The following KIAA0753 variants were observed in gnomAD, a reference collection of about 807,000 sequenced individuals.
KIAA0753 encodes protein moonraker.
A neutral mutation model predicts 116.9 loss-of-function variants in KIAA0753; 114 were observed. That is an observed-to-expected ratio of 0.98 (90% CI 0.84 to 1.14). KIAA0753 has a LOEUF of 1.14. Among genes scored for constraint, KIAA0753 ranks in the 50% most tolerant of loss-of-function variants. The pLI is 0.00. For missense variants in KIAA0753, 1,156 were observed against 1,172.4 expected (o/e 0.99, Z 0.20); for synonymous variants, 405 against 413.1 (o/e 0.98, Z 0.24).
intron 18 of KIAA0753, among the ~76,000 whole-genome samples, chr17:6,587,229 C>CTAAAA (rs1158527995): frequency 3.0e-4 from 45 of 151,598 alleles, no homozygotes; most frequent in African/African-American, 9.5e-4. Context: ...GAGACTCCAT[C>CTAAAA]TAAAATAAAA....
intron 12 of KIAA0753, among the ~76,000 whole-genome samples, chr17:6,603,899 C>A (rs1970029190): frequency 6.6e-6 from 1 of 152,196 alleles, no homozygotes; most frequent in African/African-American, 2.4e-5. Flanking sequence ...CCAGCAAAGA[C>A]TGAGTGGAGA....
intron 9 of KIAA0753, among the ~76,000 whole-genome samples, chr17:6,609,453 T>C (rs1257985579): frequency 7.5e-6 from 1 of 133,790 alleles, no homozygotes; most frequent in African/African-American, 2.5e-5. Context: ...TAATGTGCTA[T>C]GAGTGAGGAT....
intron 16 of KIAA0753, among the ~76,000 whole-genome samples, chr17:6,594,429 T>C (rs1166902316): frequency 6.6e-6 from 1 of 152,162 alleles, no homozygotes; most frequent in Non-Finnish European, 1.5e-5. Flanking sequence ...ATAGTATTTA[T>C]AAAACACTAT....
chr17:6,590,006 G>T lies in KIAA0753; in HGVS notation c.2562-3C>A. On this transcript the variant is annotated splice_region_variant and splice_polypyrimidine_tract_variant and intron_variant, in intron 17 of 18. Coordinates refer to ENST00000361413, the MANE Select transcript of KIAA0753 (RefSeq NM_014804.3). ...TTCCCACACTTTCATCCAGGGAACT[G>T]AGAACAAATAAAAATGATGAAAGCA... 6.5e-7 allele frequency: 1 copy of T among 1,541,214 alleles called. No individual in the cohort carries two copies. The highest frequency in any genetic ancestry group is 8.7e-7 in the Non-Finnish European group (1 of 1,147,234).
chr17:6,585,339 G>T (rs1257414415), intron 18 of KIAA0753, among the ~76,000 whole-genome samples: 1 of 152,140 alleles, frequency 6.6e-6, no homozygotes, highest in Non-Finnish European at 1.5e-5. Context: ...GCCATGGTGT[G>T]TTCTGTTCTA....
rs973153366 is a variant in KIAA0753, at chr17:6,578,759, CT to C, written c.*987del. On this transcript the variant is annotated 3_prime_UTR_variant, in exon 19 of 19. Transcript: ENST00000361413. ...CCTGATTCTTACGCACATTCCGTTTCTTTTTCTGAATTCAGAGTTTCTGAAA... is the reference window on the plus strand; with the variant it reads ...CCTGATTCTTACGCACATTCCGTTTCTTTTCTGAATTCAGAGTTTCTGAAA... 6.6e-6 allele frequency: 1 copy of C among 152,192 alleles called. No homozygotes were observed. Among genetic ancestry groups the C allele is most frequent in the Non-Finnish European group, 1.5e-5 (1 of 68,022 alleles). 9.4% of individuals were successfully genotyped at this position (152,192 alleles called of 1,614,324 possible).
chr17:6,603,206 A>G (rs990360774), intron 12 of KIAA0753, among the ~76,000 whole-genome samples: 2 of 152,174 alleles, frequency 1.3e-5, no homozygotes, highest in African/African-American at 4.8e-5. Flanking sequence ...CAGAGGACCA[A>G]TCAAGGAAGT....
chr17:6,589,023 T>A (rs955458465), intron 18 of KIAA0753, among the ~76,000 whole-genome samples: 2 of 152,146 alleles, frequency 1.3e-5, no homozygotes, highest in Non-Finnish European at 2.9e-5. Flanking sequence ...TGTTCTCTGA[T>A]GGGACAACAT....
intron 4 of KIAA0753, 109 bp downstream of exon 4, chr17:6,624,646 A>C: frequency 1.5e-6 from 1 of 682,548 alleles, no homozygotes; most frequent in Non-Finnish European, 2.5e-6. Flanking sequence ...GTCAGAACTC[A>C]TATGGGATAC....
intron 7 of KIAA0753, among the ~76,000 whole-genome samples, chr17:6,614,462 T>C (rs1008991228): frequency 1.3e-5 from 2 of 149,622 alleles, no homozygotes; most frequent in African/African-American, 4.9e-5. Flanking sequence ...TGAGAATTCA[T>C]GTATCAATGT....
intron 6 of KIAA0753, 82 bp downstream of exon 6, chr17:6,622,800 C>T (rs1971414041): frequency 2.6e-5 from 31 of 1,190,676 alleles, no homozygotes; most frequent in Non-Finnish European, 3.7e-5. Flanking sequence ...GTCTTGTATT[C>T]TCCATAAATC....
At chr17:6,603,709 T>C (rs550868095) in intron 12 of KIAA0753, among the ~76,000 whole-genome samples, 10 of 152,310 alleles carry the variant, frequency 6.6e-5, no homozygotes, top group Non-Finnish European at 1.2e-4. Flanking sequence ...GAGTAGGTAC[T>C]GGAGAAGCCG....
Position 6,610,110 on chromosome 17 carries a change from G to A in KIAA0753, c.1596C>T (p.Ser532=), listed in dbSNP as rs1970434095. Residue 532 remains serine, a synonymous_variant, in exon 9 of 19, where the codon AGC becomes AGT. Transcript: ENST00000361413. The stretch of plus-strand genomic sequence containing the variant: ...ATGAAACTGTTGTCTGCTGCACTCT[G>A]CTTTTACTGTGAGGTTGGCTTTGTC... ...RGRQSQPHSK[S]RVQQTTVSSR... is the part of the protein sequence containing the mutation. 6.2e-7 allele frequency: 1 copy of A among 1,614,014 alleles called. No homozygotes were observed. Among genetic ancestry groups the A allele is most frequent in the Admixed American group, 1.7e-5 (1 of 59,988 alleles).
chr17:6,617,409 T>C (rs1433368642), intron 7 of KIAA0753, among the ~76,000 whole-genome samples: 2 of 152,194 alleles, frequency 1.3e-5, no homozygotes, highest in African/African-American at 4.8e-5. Context: ...TGAATAAATA[T>C]CTAACAGTAA....
intron 16 of KIAA0753, among the ~76,000 whole-genome samples, chr17:6,590,979 AGAAGAAGAAGAAAGAAGAAG>A (rs1272488313): frequency 1.5e-5 from 2 of 136,216 alleles, no homozygotes; most frequent in African/African-American, 5.6e-5. Flanking sequence ...AATGCGAAGA[AGAAGAAGAAGAAAGAAGAAG>A]GAAGAAGAAG....
intron 4 of KIAA0753, among the ~76,000 whole-genome samples, chr17:6,624,548 A>C (rs1245622256): frequency 2.0e-5 from 3 of 150,012 alleles, no homozygotes; most frequent in Non-Finnish European, 4.5e-5. Flanking sequence ...ACACACACAC[A>C]CACACACACA....
intron 3 of KIAA0753, among the ~76,000 whole-genome samples, chr17:6,626,869 T>C (rs527610999): frequency 1.3e-5 from 2 of 152,302 alleles, no homozygotes; most frequent in East Asian, 1.9e-4. Flanking sequence ...AGTTCCCCGG[T>C]ATTAGGCCAG....
chr17:6,615,346 G>A (rs1467650468), intron 7 of KIAA0753, among the ~76,000 whole-genome samples: 1 of 152,098 alleles, frequency 6.6e-6, no homozygotes, highest in Non-Finnish European at 1.5e-5. Context: ...TTGTGTTCAA[G>A]TAACCTTGAA....
chr17:6,590,973 C>T (rs1016056379), intron 16 of KIAA0753, among the ~76,000 whole-genome samples: 5 of 127,648 alleles, frequency 3.9e-5, no homozygotes, highest in East Asian at 4.5e-4. Flanking sequence ...CCTTTAAATG[C>T]GAAGAAGAAG....
Sources: allele counts gnomAD v4.1 joint callset (sites outside exome capture counted in the v4.1 genomes callset), GRCh38; gene constraint gnomAD v4.1.1; transcripts MANE v1.5; gene names NCBI Gene and HGNC (gene_info 2026-07-23, HGNC 2026-07-21).